Variants in ADGRL3 observed in about 807,000 individuals in gnomAD.
The protein encoded by ADGRL3 is calcium-independent alpha-latrotoxin receptor 3.
ADGRL3 carries 62 observed loss-of-function variants against 153.5 expected under a neutral mutation model. The ratio of observed to expected loss-of-function variants is 0.40; its 90% CI spans 0.33 to 0.50. The LOEUF is 0.50. ADGRL3 is among the 20% of genes least tolerant of loss of function. The pLI, the probability that ADGRL3 is intolerant of heterozygous loss-of-function variation, is 0.47. For missense variants in ADGRL3, 1,641 were observed against 1,859.4 expected, an observed-to-expected ratio of 0.88 and a Z score of 2.16; for synonymous variants, 710 against 672.5, an observed-to-expected ratio of 1.06 and a Z score of -0.86.
intron 5 of ADGRL3, among the ~76,000 whole-genome samples, chr4:61,629,869 A>G (rs1285148982): frequency 6.6e-6 from 1 of 150,478 alleles, no homozygotes; most frequent in African/African-American, 2.4e-5. Flanking sequence ...TGTTGGCATG[A>G]TATTCTGTAG....
chr4:61,380,473 A>C (rs1242797230), intron 1 of ADGRL3, among the ~76,000 whole-genome samples: 1 of 152,030 alleles, frequency 6.6e-6, no homozygotes, highest in Non-Finnish European at 1.5e-5. Flanking sequence ...TAATTGATGA[A>C]TTGAATGTCA....
At chr4:61,830,718 TAACA>T (rs774328016) in intron 9 of ADGRL3, among the ~76,000 whole-genome samples, 4 of 152,096 alleles carry the variant, frequency 2.6e-5, no homozygotes, top group Non-Finnish European at 4.4e-5. Context: ...AGGAAAATAT[TAACA>T]AACTGTTAAT....
chr4:61,591,933 G>A (rs1057124319), intron 5 of ADGRL3, among the ~76,000 whole-genome samples: 1 of 151,708 alleles, frequency 6.6e-6, no homozygotes, highest in Non-Finnish European at 1.5e-5. Context: ...AAAGTTAGCT[G>A]TACCTGGTGG....
chr4:61,353,634 T>C (rs1004086834), intron 1 of ADGRL3, among the ~76,000 whole-genome samples: 2 of 120,576 alleles, frequency 1.7e-5, no homozygotes, highest in Non-Finnish European at 3.3e-5. Context: ...AGAAACGAGG[T>C]CTCACTATAT....
intron 1 of ADGRL3, among the ~76,000 whole-genome samples, chr4:61,347,774 T>C (rs1179654609): frequency 6.6e-6 from 1 of 152,164 alleles, no homozygotes; most frequent in Admixed American, 6.5e-5. Context: ...TTTACTCACA[T>C]TTTGTACATT....
intron 2 of ADGRL3, among the ~76,000 whole-genome samples, chr4:61,390,526 G>A (rs1465220193): frequency 6.6e-6 from 1 of 151,880 alleles, no homozygotes; most frequent in Non-Finnish European, 1.5e-5. Flanking sequence ...TGCAGGAGGG[G>A]GATTTGTTCA....
chr4:61,773,957 G>A (rs1245970230), intron 8 of ADGRL3, among the ~76,000 whole-genome samples: 1 of 152,216 alleles, frequency 6.6e-6, no homozygotes, highest in Non-Finnish European at 1.5e-5. Context: ...GAACATGAGA[G>A]CTACAGTAGT....
intron 8 of ADGRL3, among the ~76,000 whole-genome samples, chr4:61,764,530 A>T (rs2152240438): frequency 6.6e-6 from 1 of 151,644 alleles, no homozygotes; most frequent in Non-Finnish European, 1.5e-5. Flanking sequence ...GTCATCAGTT[A>T]AGGCAAGGAC....
intron 1 of ADGRL3, among the ~76,000 whole-genome samples, chr4:61,344,538 G>T (rs565101283): frequency 1.3e-5 from 2 of 151,844 alleles, no homozygotes; most frequent in Admixed American, 6.6e-5. Context: ...TCAAATTTAG[G>T]TATTTCCTGG....
intron 4 of ADGRL3, among the ~76,000 whole-genome samples, chr4:61,538,517 G>A (rs960397243): frequency 5.3e-5 from 8 of 152,116 alleles, no homozygotes; most frequent in African/African-American, 1.7e-4. Context: ...TCAGCTCACC[G>A]CAACCTCCGC....
Position 61,947,139 on chromosome 4 carries a change from T to A in ADGRL3, c.2628+17T>A, listed in dbSNP as rs1332645640. The A allele has an allele frequency of 6.3e-7, 1 of 1,584,052 alleles. No individual in the cohort carries two copies. The highest frequency in any genetic ancestry group is 1.7e-5 in the Admixed American group (1 of 59,840). On this transcript the variant is annotated intron_variant, in intron 16 of 26. Transcript: ENST00000683033. ...CATATCAAGGTAAGAAAATGGCATA[T>A]TAGCTTGGTTGTTCATATTATCTGT...
intron 8 of ADGRL3, among the ~76,000 whole-genome samples, chr4:61,808,002 T>A (rs2097569643): frequency 6.6e-6 from 1 of 152,142 alleles, no homozygotes. Flanking sequence ...AGGCATCCAC[T>A]CAAAATGTTC....
At chr4:61,722,654 T>C (rs990492434) in intron 6 of ADGRL3, among the ~76,000 whole-genome samples, 4 of 152,190 alleles carry the variant, frequency 2.6e-5, no homozygotes, top group Admixed American at 2.0e-4. Flanking sequence ...GAAATTGACA[T>C]GTAGAAAATA....
Position 61,848,847 on chromosome 4 carries a change from T to C in ADGRL3, c.1480+34958T>C, listed in dbSNP as rs369473313. On this transcript the variant is annotated intron_variant, in intron 9 of 26. Transcript: ENST00000683033. ...CTCCTGTGTATAAATAATATCCTAA[T>C]TAAAATACACTGAGGATTTTCTAAG... Among the ~76,000 whole-genome samples the C allele has an allele frequency of 2.1e-4, 32 of 152,262 alleles. No individual in the cohort carries two copies. In the East Asian group the frequency reaches 5.0e-3, roughly 24 times the overall value.
At chr4:61,968,083 T>C (rs78248448) in intron 17 of ADGRL3, among the ~76,000 whole-genome samples, 1,864 of 152,300 alleles carry the variant, frequency 0.012, 49 homozygotes, top group African/African-American at 0.042. Flanking sequence ...AATCACCTCT[T>C]AAAGTTCCTA....
intron 1 of ADGRL3, among the ~76,000 whole-genome samples, chr4:61,308,440 T>A (rs1249940831): frequency 1.3e-5 from 2 of 152,144 alleles, no homozygotes; most frequent in Non-Finnish European, 2.9e-5. Flanking sequence ...GAGGTTTCAG[T>A]TTGAGTGACA....
intron 1 of ADGRL3, among the ~76,000 whole-genome samples, chr4:61,349,598 CTT>C (rs35520479): frequency 0.019 from 2,887 of 152,198 alleles, 82 homozygotes; most frequent in South Asian, 0.085. Flanking sequence ...ACATGTAAGA[CTT>C]TAGCTGCTTA....
At chr4:61,275,190 A>G (rs141379185) in intron 1 of ADGRL3, among the ~76,000 whole-genome samples, 152 of 152,254 alleles carry the variant, frequency 1.0e-3, no homozygotes, top group African/African-American at 3.4e-3. Flanking sequence ...TTGGCTGTCA[A>G]TGTTGTCAGT....
At chr4:61,888,635 T>A (rs1050211132) in intron 9 of ADGRL3, among the ~76,000 whole-genome samples, 1 of 152,126 alleles carries the variant, frequency 6.6e-6, no homozygotes, top group East Asian at 1.9e-4. Context: ...GCCTTTAAAA[T>A]CAATTTTAAT....
Sources: allele counts gnomAD v4.1 joint callset (sites outside exome capture counted in the v4.1 genomes callset), GRCh38; gene constraint gnomAD v4.1.1; transcripts MANE v1.5; gene names NCBI Gene and HGNC (gene_info 2026-07-23, HGNC 2026-07-21).